The following NEGR1 variants were observed in gnomAD, a reference collection of about 807,000 sequenced individuals.
NEGR1 encodes IgLON family member 4.
A neutral mutation model predicts 40.9 loss-of-function variants in NEGR1; 10 were observed. That is an observed-to-expected ratio of 0.24 (90% CI 0.15 to 0.42). The LOEUF is 0.42. Among genes scored for constraint, NEGR1 ranks in the 10% least tolerant of loss-of-function variants. The pLI is 1.00. For synonymous variants in NEGR1, 185 were observed against 166.8 expected, an observed-to-expected ratio of 1.11 and a Z score of -0.84; for missense variants, 352 against 438.9, an observed-to-expected ratio of 0.80 and a Z score of 1.77.
chr1:71,564,207 T>C (rs1205743959), intron 6 of NEGR1, among the ~76,000 whole-genome samples: 2 of 151,980 alleles, frequency 1.3e-5, no homozygotes, highest in Non-Finnish European at 2.9e-5. Context: ...TTTAAATAAG[T>C]TTGGGAAGTA....
chr1:71,523,311 G>C (rs567596430), intron 6 of NEGR1, among the ~76,000 whole-genome samples: 1 of 151,944 alleles, frequency 6.6e-6, no homozygotes, highest in South Asian at 2.1e-4. Flanking sequence ...AATGCAGAAA[G>C]ATCCTTAACA....
intron 2 of NEGR1, among the ~76,000 whole-genome samples, chr1:71,782,035 G>T (rs574419360): frequency 1.3e-5 from 2 of 152,206 alleles, no homozygotes; most frequent in South Asian, 2.1e-4. Flanking sequence ...TGACTTTGAT[G>T]ATCTTAAAGC....
At chr1:72,224,694 T>A (rs929075027) in intron 1 of NEGR1, among the ~76,000 whole-genome samples, 1 of 151,940 alleles carries the variant, frequency 6.6e-6, no homozygotes, top group South Asian at 2.1e-4. Flanking sequence ...CTTTTTTTTT[T>A]AAATGACGTC....
At chr1:71,747,331 C>T (rs1483048349) in intron 3 of NEGR1, among the ~76,000 whole-genome samples, 1 of 152,052 alleles carries the variant, frequency 6.6e-6, no homozygotes, top group African/African-American at 2.4e-5. Flanking sequence ...CATCTCAGTA[C>T]AGCACAGGAT....
At chr1:72,098,764 T>C (rs999199585) in intron 1 of NEGR1, among the ~76,000 whole-genome samples, 6 of 152,160 alleles carry the variant, frequency 3.9e-5, no homozygotes, top group African/African-American at 1.4e-4. Flanking sequence ...AAGTCTATAG[T>C]TAATAACATC....
rs899672677 is a variant in NEGR1 at position 71,398,013 on chromosome 1, G to C, written c.*9433C>G. On this transcript the variant is annotated 3_prime_UTR_variant, in exon 7 of 7. Coordinates refer to ENST00000357731, the MANE Select transcript of NEGR1 (RefSeq NM_173808.3). ...ACAGTGGAAGCCCCAAGCCTTGGCA[G>C]CTTCCACATGGTGTTGAGCCTGTGG... 1 of 152,240 alleles carries C rather than the reference G, an allele frequency of 6.6e-6. No individual in the cohort carries two copies. The highest frequency in any genetic ancestry group is 1.5e-5 in the Non-Finnish European group (1 of 68,040). The allele number at this position is 152,240 out of a possible 1,614,324, so 9.4% of individuals were successfully genotyped here.
In NEGR1 at chr1:72,282,229, T is replaced by C. The variant is rs371639092; in HGVS notation, c.176+90A>G. The C allele has an allele frequency of 2.4e-5, 34 of 1,411,138 alleles. No homozygotes were observed. In the African/African-American group the frequency reaches 3.5e-4, roughly 15 times the overall value. The allele number at this position is 1,411,138 out of a possible 1,614,324, so 87.4% of individuals were successfully genotyped here. On this transcript the variant is annotated intron_variant, in intron 1 of 6. Coordinates refer to ENST00000357731, the MANE Select transcript of NEGR1 (RefSeq NM_173808.3). ...TCCATGATGAGCACCACCAGCATTATTGCTTGTGTTATAAAGAAGGCAAAG... is the reference window on the plus strand; with the variant it reads ...TCCATGATGAGCACCACCAGCATTACTGCTTGTGTTATAAAGAAGGCAAAG...
chr1:71,980,938 G>C (rs1646349220), intron 1 of NEGR1, among the ~76,000 whole-genome samples: 1 of 151,894 alleles, frequency 6.6e-6, no homozygotes, highest in Non-Finnish European at 1.5e-5. Context: ...CTATCTTTGT[G>C]TGATCCCTTC....
chr1:71,792,453 C>A (rs967763857), intron 2 of NEGR1, among the ~76,000 whole-genome samples: 1 of 152,106 alleles, frequency 6.6e-6, no homozygotes, highest in African/African-American at 2.4e-5. Context: ...AACAGCTAAA[C>A]CCACACACTT....
chr1:71,821,937 T>C (rs890535669), intron 2 of NEGR1, among the ~76,000 whole-genome samples: 5 of 151,718 alleles, frequency 3.3e-5, no homozygotes, highest in Non-Finnish European at 7.4e-5. Context: ...CACCAGCAAC[T>C]CCTCCCACAA....
chr1:71,907,499 G>GA (rs1385019588), intron 2 of NEGR1, among the ~76,000 whole-genome samples: 1 of 152,022 alleles, frequency 6.6e-6, no homozygotes, highest in Non-Finnish European at 1.5e-5. Context: ...ACTAAAAAGT[G>GA]AAAAAACAAC....
At chr1:72,066,392 C>A (rs1250073662) in intron 1 of NEGR1, among the ~76,000 whole-genome samples, 1 of 152,156 alleles carries the variant, frequency 6.6e-6, no homozygotes, top group African/African-American at 2.4e-5. Flanking sequence ...TAGTCTCCTA[C>A]TTCTAGAGGC....
intron 1 of NEGR1, among the ~76,000 whole-genome samples, chr1:71,936,418 A>G (rs1645905968): frequency 6.6e-6 from 1 of 152,212 alleles, no homozygotes; most frequent in Admixed American, 6.5e-5. Context: ...AATTATTACC[A>G]TACAGAAAGG....
chr1:72,186,233 G>T (rs1273540203), intron 1 of NEGR1, among the ~76,000 whole-genome samples: 1 of 151,644 alleles, frequency 6.6e-6, no homozygotes, highest in African/African-American at 2.4e-5. Context: ...AATTTAACAT[G>T]CCATTTGCCA....
intron 6 of NEGR1, among the ~76,000 whole-genome samples, chr1:71,491,373 T>C (rs1309826577): frequency 6.6e-6 from 1 of 151,856 alleles, no homozygotes; most frequent in East Asian, 1.9e-4. Context: ...CAAGGGACAA[T>C]TGTACTGAAT....
intron 1 of NEGR1, among the ~76,000 whole-genome samples, chr1:72,093,325 G>T (rs1648566085): frequency 2.1e-5 from 1 of 48,262 alleles, no homozygotes; most frequent in Non-Finnish European, 3.4e-5. Context: ...GCTAGACTCT[G>T]CCTCAAAAAA....
intron 1 of NEGR1, among the ~76,000 whole-genome samples, chr1:72,250,028 T>C (rs1345917316): frequency 6.6e-6 from 1 of 152,184 alleles, no homozygotes; most frequent in African/African-American, 2.4e-5. Flanking sequence ...AAGATACTTT[T>C]AGGATGTGAT....
chr1:71,658,609 T>C (rs1308347427), intron 4 of NEGR1, among the ~76,000 whole-genome samples: 1 of 152,156 alleles, frequency 6.6e-6, no homozygotes, highest in Non-Finnish European at 1.5e-5. Context: ...GGGACATTTT[T>C]AACATGAAGA....
At chr1:71,427,265 C>T (rs557867087) in intron 6 of NEGR1, among the ~76,000 whole-genome samples, 5 of 152,300 alleles carry the variant, frequency 3.3e-5, no homozygotes, top group Non-Finnish European at 5.9e-5. Context: ...AGAAGACAAA[C>T]CTGTGATCCA....
Sources: allele counts gnomAD v4.1 joint callset (sites outside exome capture counted in the v4.1 genomes callset), GRCh38; gene constraint gnomAD v4.1.1; transcripts MANE v1.5; gene names NCBI Gene and HGNC (gene_info 2026-07-23, HGNC 2026-07-21).